Variants in SEMA3D observed in about 807,000 individuals in gnomAD.
SEMA3D encodes the protein semaphorin-3D.
In SEMA3D, 84 loss-of-function variants were observed where a neutral mutation model predicts 100.1. That is an observed-to-expected ratio of 0.84 (90% confidence interval 0.70 to 1.01). The LOEUF (loss-of-function observed/expected upper bound fraction) is 1.01. Among genes scored for constraint, SEMA3D ranks in the 50% least tolerant of loss-of-function variants. The pLI, the probability that SEMA3D is intolerant of heterozygous loss-of-function variation, is 0.00. For synonymous variants in SEMA3D, 312 were observed against 320.7 expected, an observed-to-expected ratio of 0.97 and a Z score of 0.29; for missense variants, 875 against 934.1, an observed-to-expected ratio of 0.94 and a Z score of 0.82.
At chr7:85,066,913 C>CATACACACAGAGAGAGAGAGAG in intron 7 of SEMA3D, among the ~76,000 whole-genome samples, 173 of 127,818 alleles carry the variant, frequency 1.4e-3, no homozygotes, top group African/African-American at 5.0e-3. Flanking sequence ...CACACACACA[C>CATACACACAGAGAGAGAGAGAG]AGAGAGAGAG....
chr7:85,038,675 A>G (rs1790771040), intron 11 of SEMA3D, among the ~76,000 whole-genome samples: 1 of 152,168 alleles, frequency 6.6e-6, no homozygotes, highest in Admixed American at 6.6e-5. Flanking sequence ...GTGACTTCAA[A>G]GAAAGTTCTG....
chr7:85,129,130 A>T (rs977193178), intron 2 of SEMA3D, among the ~76,000 whole-genome samples: 2 of 151,834 alleles, frequency 1.3e-5, no homozygotes, highest in Non-Finnish European at 2.9e-5. Context: ...GCCTCAAGTG[A>T]TCATCCTGCT....
At chr7:85,230,259 C>G in the SEMA3D span, among the ~76,000 whole-genome samples, 2 of 152,156 alleles carry the variant, frequency 1.3e-5, no homozygotes. Context: ...CATGCCTCTG[C>G]TTATGACCAG....
At chr7:85,072,608 T>C (rs1259401976) in intron 6 of SEMA3D, among the ~76,000 whole-genome samples, 6 of 152,214 alleles carry the variant, frequency 3.9e-5, no homozygotes, top group African/African-American at 1.2e-4. Flanking sequence ...CAACTTTTAA[T>C]AGAAAAAACA....
At chr7:85,029,488 A>T (rs150651020) in intron 12 of SEMA3D, 1 of 685,960 alleles carries the variant, frequency 1.5e-6, no homozygotes, top group South Asian at 1.4e-5. Context: ...CCATGAAATT[A>T]TCAACTGGCT....
intron 3 of SEMA3D, among the ~76,000 whole-genome samples, chr7:85,100,685 C>G (rs62473408): frequency 0.24 from 36,433 of 151,608 alleles, 4,740 homozygotes; most frequent in East Asian, 0.38. Context: ...AATATAATGG[C>G]CATATATTCC....
intron 3 of SEMA3D, among the ~76,000 whole-genome samples, chr7:85,118,558 G>C (rs1303270155): frequency 6.6e-6 from 1 of 152,058 alleles, no homozygotes; most frequent in Non-Finnish European, 1.5e-5. Context: ...TTAGTTTCAT[G>C]TTTTTTAAGG....
intron 3 of SEMA3D, among the ~76,000 whole-genome samples, chr7:85,106,424 C>A (rs1214360851): frequency 6.6e-6 from 1 of 151,758 alleles, no homozygotes. Flanking sequence ...TATGACAAGA[C>A]AAATAATTCC....
At position 85,140,845 on chromosome 7, in the gene SEMA3D, A is replaced by T. The variant is rs192066529; in HGVS notation, c.-41+12763T>A. 3 of 854,352 alleles carry T rather than the reference A, an allele frequency of 3.5e-6. No individual in the cohort carries two copies. In the African/African-American group the frequency reaches 5.5e-5, roughly 16 times the overall value. The allele number at this position is 854,352 out of a possible 1,614,324, so 52.9% of individuals were successfully genotyped here. Reference sequence around the variant, plus strand: ...TTATAAAAGTAGTTTTTCACATTCTACCATTAAAAAAATGGTAGGTATACA... The same window carrying T: ...TTATAAAAGTAGTTTTTCACATTCTTCCATTAAAAAAATGGTAGGTATACA... On this transcript the variant is annotated intron_variant, in intron 2 of 18. Coordinates refer to ENST00000284136, the MANE Select transcript of SEMA3D (RefSeq NM_001384900.1).
chr7:85,119,572 C>A (rs67158166), intron 3 of SEMA3D, among the ~76,000 whole-genome samples: 42,350 of 151,810 alleles, frequency 0.28, 6,241 homozygotes, highest in East Asian at 0.39. Flanking sequence ...AACACGTGGA[C>A]ACCTAGAGGG....
chr7:85,061,538 G>A (rs1048726906), intron 8 of SEMA3D, among the ~76,000 whole-genome samples: 3 of 152,098 alleles, frequency 2.0e-5, no homozygotes, highest in Non-Finnish European at 2.9e-5. Flanking sequence ...CTCACTTGTC[G>A]CAGTTCATCT....
chr7:85,220,167 C>T, the SEMA3D span, among the ~76,000 whole-genome samples: 1 of 151,924 alleles, frequency 6.6e-6, no homozygotes, highest in African/African-American at 2.4e-5. Flanking sequence ...GGTATTCTGT[C>T]CTAGATGTTC....
chr7:85,028,352 C>A, intron 12 of SEMA3D: 1 of 608,330 alleles, frequency 1.6e-6, no homozygotes, highest in Non-Finnish European at 2.9e-6. Flanking sequence ...TATCAATGTG[C>A]CAATTGTCGC....
At chr7:85,228,488 T>G in the SEMA3D span, among the ~76,000 whole-genome samples, 1 of 152,102 alleles carries the variant, frequency 6.6e-6, no homozygotes, top group Non-Finnish European at 1.5e-5. Flanking sequence ...TGGTACACAG[T>G]GGTCTAATAT....
chr7:85,013,189 G>C (rs1790005520), intron 16 of SEMA3D, among the ~76,000 whole-genome samples: 1 of 151,442 alleles, frequency 6.6e-6, no homozygotes, highest in Non-Finnish European at 1.5e-5. Context: ...ACTCTCTTTA[G>C]GAACTCTCTT....
chr7:85,106,480 G>C (rs1788927156), intron 3 of SEMA3D, among the ~76,000 whole-genome samples: 1 of 152,062 alleles, frequency 6.6e-6, no homozygotes, highest in African/African-American at 2.4e-5. Context: ...AAAAAGTTAT[G>C]TGTGTAATAT....
At chr7:85,134,384 A>G (rs1789802107) in intron 2 of SEMA3D, among the ~76,000 whole-genome samples, 1 of 152,030 alleles carries the variant, frequency 6.6e-6, no homozygotes, top group Admixed American at 6.6e-5. Flanking sequence ...GGATATTGTA[A>G]TAACCAAAAA....
At chr7:85,026,941 T>C (rs1446158834) in intron 12 of SEMA3D, among the ~76,000 whole-genome samples, 4 of 152,012 alleles carry the variant, frequency 2.6e-5, no homozygotes, top group Non-Finnish European at 4.4e-5. Flanking sequence ...AAGGTAAAAA[T>C]TGGAATTTCT....
chr7:85,065,726 TC>T (rs563304747), intron 7 of SEMA3D, among the ~76,000 whole-genome samples, 174 bp from the exon 8 acceptor site: 176 of 152,340 alleles, frequency 1.2e-3, no homozygotes, highest in African/African-American at 3.7e-3. Flanking sequence ...AAAAGATAAC[TC>T]AATTTACTTT....
Sources: allele counts gnomAD v4.1 joint callset (sites outside exome capture counted in the v4.1 genomes callset), GRCh38; gene constraint gnomAD v4.1.1; transcripts MANE v1.5; gene names NCBI Gene and HGNC (gene_info 2026-07-23, HGNC 2026-07-21).